Variants in CELA2B observed in about 807,000 individuals in gnomAD.
CELA2B encodes the protein chymotrypsin-like elastase family member 2B.
In CELA2B, 27 loss-of-function variants were observed where a neutral mutation model predicts 36.5. The observed-to-expected ratio is 0.74, with a 90% CI of 0.55 to 1.02. The LOEUF (loss-of-function observed/expected upper bound fraction) is 1.02. Ranked by LOEUF, CELA2B falls within the 50% of genes least tolerant of loss-of-function variation. The pLI, the probability that CELA2B is intolerant of heterozygous loss-of-function variation, is 0.00. For missense variants in CELA2B, 340 were observed against 347.8 expected (o/e 0.98, Z 0.18); for synonymous variants, 143 against 148.5 (o/e 0.96, Z 0.27).
At position 15,483,276 on chromosome 1, in the gene CELA2B, C is replaced by T. The variant is rs1236221993; in HGVS notation, c.369C>T (p.Ala123=). Residue 123 remains alanine (A), a synonymous_variant, in exon 5 of 8, where the codon GCC becomes GCT. Transcript: ENST00000375910. ...CGCACTCACCCAGGAACGACATTGC[C>T]CTGCTCAAACTGGCTAACCCCGTCT... is the stretch of plus-strand genomic sequence containing the variant. ...SDQVSKGNDI[A]LLKLANPVSL... 1 of 1,613,820 alleles carries T rather than the reference C, an allele frequency of 6.2e-7. No individual in the cohort carries two copies.
At position 15,491,351 on chromosome 1, in the gene CELA2B, G is replaced by T; in HGVS notation, c.*39G>T. On this transcript the variant is annotated 3_prime_UTR_variant, in exon 8 of 8. Coordinates refer to ENST00000375910, the MANE Select transcript of CELA2B (RefSeq NM_015849.3). ...CTGGGACTGTTTCAGACTTGGAAAG[G>T]TCACAGAAGGAAAATAATATTATAT... 1 of 1,612,128 alleles carries T rather than the reference G, an allele frequency of 6.2e-7. No individual in the cohort carries two copies. Among genetic ancestry groups the T allele is most frequent in the Non-Finnish European group, 8.5e-7 (1 of 1,178,226 alleles).
chr1:15,488,518 C>T (rs576810150), intron 7 of CELA2B, among the ~76,000 whole-genome samples: 1 of 152,340 alleles, frequency 6.6e-6, no homozygotes, highest in South Asian at 2.1e-4. Flanking sequence ...GCAGAGGAGA[C>T]ACCATGCCTG....
At chr1:15,483,647 G>A (rs1708769846) in intron 5 of CELA2B, among the ~76,000 whole-genome samples, 1 of 152,194 alleles carries the variant, frequency 6.6e-6, no homozygotes, top group South Asian at 2.1e-4. Flanking sequence ...CAAATAATTG[G>A]CTGGGCGCGG....
intron 5 of CELA2B, among the ~76,000 whole-genome samples, chr1:15,485,044 T>C (rs1338889017): frequency 6.6e-6 from 1 of 152,032 alleles, no homozygotes; most frequent in Non-Finnish European, 1.5e-5. Context: ...ATTACAGGCA[T>C]GTGCACCACG....
intron 7 of CELA2B, among the ~76,000 whole-genome samples, chr1:15,490,245 T>TATCC (rs1300552315): frequency 7.0e-6 from 1 of 143,098 alleles, no homozygotes; most frequent in Non-Finnish European, 1.5e-5. Flanking sequence ...TCTATCTATC[T>TATCC]ATCTATCTAT....
intron 2 of CELA2B, among the ~76,000 whole-genome samples, chr1:15,480,170 G>C (rs1045645104): frequency 6.6e-6 from 1 of 152,130 alleles, no homozygotes; most frequent in African/African-American, 2.4e-5. Flanking sequence ...AGTTGAGGTA[G>C]TGACCAAAGG....
intron 2 of CELA2B, among the ~76,000 whole-genome samples, chr1:15,480,087 A>G (rs925299057): frequency 1.2e-4 from 19 of 152,126 alleles, no homozygotes; most frequent in Non-Finnish European, 2.9e-5. Flanking sequence ...TGTTGAGAAA[A>G]TGTGGGTGGG....
chr1:15,483,880 G>C (rs933252115), intron 5 of CELA2B, among the ~76,000 whole-genome samples: 8 of 151,636 alleles, frequency 5.3e-5, no homozygotes, highest in African/African-American at 1.9e-4. Context: ...AGTGAGCCAA[G>C]ATTGCGCTGC....
chr1:15,489,584 C>T (rs571167676), intron 7 of CELA2B, among the ~76,000 whole-genome samples: 6 of 152,184 alleles, frequency 3.9e-5, no homozygotes, highest in African/African-American at 1.4e-4. Context: ...AGAGCACCTG[C>T]CTGGATAAAC....
At chr1:15,476,361 A>C (rs191347695) in intron 1 of CELA2B, 96 bp from the exon 2 acceptor site, 4 of 1,438,322 alleles carry the variant, frequency 2.8e-6, no homozygotes, top group Non-Finnish European at 3.9e-6. Context: ...CTTCTAGAAC[A>C]AGGGTTTTCT....
At chr1:15,479,927 A>T (rs1158869047) in intron 2 of CELA2B, among the ~76,000 whole-genome samples, 1 of 151,938 alleles carries the variant, frequency 6.6e-6, no homozygotes, top group Non-Finnish European at 1.5e-5. Context: ...GGAGAGTGGG[A>T]GCCTATGGGG....
intron 6 of CELA2B, among the ~76,000 whole-genome samples, chr1:15,486,600 T>C (rs1465283586): frequency 1.3e-5 from 2 of 152,264 alleles, no homozygotes; most frequent in Non-Finnish European, 2.9e-5. Flanking sequence ...CTCGTGACTG[T>C]CCTTCTGTAT....
At chr1:15,476,900 T>C (rs1012011024) in intron 2 of CELA2B, among the ~76,000 whole-genome samples, 2 of 152,076 alleles carry the variant, frequency 1.3e-5, no homozygotes, top group Non-Finnish European at 2.9e-5. Flanking sequence ...GAGAAAGACT[T>C]GAACCTGAGA....
rs1311722538 is a variant in CELA2B, at chr1:15,482,249, G to C, written c.228-16G>C. 6.2e-7 allele frequency: 1 copy of C among 1,613,270 alleles called. No homozygotes were observed. The highest frequency in any genetic ancestry group is 8.5e-7 in the Non-Finnish European group (1 of 1,179,620). ...CCTCTGGAGGTGACCCTCTCCCTGG[G>C]ACCCCTTTCTCCCAGCTCCTCCGGG... On this transcript the variant is annotated splice_polypyrimidine_tract_variant and intron_variant, in intron 3 of 7. Transcript: ENST00000375910.
chr1:15,486,511 T>G (rs1708806914), intron 6 of CELA2B, among the ~76,000 whole-genome samples: 1 of 152,174 alleles, frequency 6.6e-6, no homozygotes, highest in Non-Finnish European at 1.5e-5. Context: ...GTTCTTGTTT[T>G]GAGATGTTTT....
chr1:15,487,035 C>T (rs965052399), intron 6 of CELA2B, among the ~76,000 whole-genome samples: 5 of 152,160 alleles, frequency 3.3e-5, no homozygotes, highest in African/African-American at 7.2e-5. Context: ...GGGGATACTA[C>T]GAATATTTAC....
At chr1:15,484,074 A>G (rs1708776265) in intron 5 of CELA2B, among the ~76,000 whole-genome samples, 1 of 152,166 alleles carries the variant, frequency 6.6e-6, no homozygotes, top group Non-Finnish European at 1.5e-5. Flanking sequence ...AAAGTTACAG[A>G]GATCATGTGA....
chr1:15,476,614 C>T, intron 2 of CELA2B, 69 bp downstream of exon 2: 1 of 1,439,400 alleles, frequency 6.9e-7, no homozygotes, highest in Non-Finnish European at 9.8e-7. Context: ...TTTGCCCTTC[C>T]ACCATGGCGT....
intron 7 of CELA2B, among the ~76,000 whole-genome samples, chr1:15,489,792 A>G (rs1281289818): frequency 6.6e-6 from 1 of 152,222 alleles, no homozygotes; most frequent in Admixed American, 6.5e-5. Flanking sequence ...TATTAAAAGA[A>G]TACAGGAGAG....
Sources: gnomAD v4.1 joint callset for allele counts (sites outside exome capture counted in the v4.1 genomes callset) on GRCh38, gnomAD v4.1.1 for gene constraint, MANE v1.5 for transcripts, NCBI Gene and HGNC (gene_info 2026-07-23, HGNC 2026-07-21) for gene names.